The following DENND1A variants were observed in gnomAD, a reference collection of about 807,000 sequenced individuals.
DENND1A encodes DENN domain-containing protein 1A.
DENND1A carries 51 observed loss-of-function variants against 113.7 expected under a neutral mutation model. That is an observed-to-expected ratio of 0.45 (90% confidence interval 0.36 to 0.57). The LOEUF is 0.57. Ranked by LOEUF, DENND1A falls within the 20% of genes least tolerant of loss-of-function variation. The pLI, the probability that DENND1A is intolerant of heterozygous loss-of-function variation, is 0.00. For synonymous variants in DENND1A, 565 were observed against 570.8 expected (o/e 0.99, Z 0.14); for missense variants, 1,258 against 1,395.9 (o/e 0.90, Z 1.57).
rs147957932 is a variant in DENND1A at position 123,457,815 on chromosome 9, G to A, written c.1076C>T (p.Thr359Ile). 432 of 1,611,710 alleles carry A rather than the reference G, an allele frequency of 2.7e-4. No individual in the cohort carries two copies. Among genetic ancestry groups the A allele is most frequent in the Non-Finnish European group, 3.3e-4 (389 of 1,179,100 alleles). ...GAMRQFLQNA[T>I]QLQLFKQFID... ...CACCTGCTTGAAGAGCTGCAGCTGT[G>A]TGGCGTTCTGCAGGAACTGCCTCAT... The change falls in exon 14 of 24, where the codon ACA becomes ATA. Residue 359 changes from threonine (T) to isoleucine (I), a missense_variant. Thr to Ile is a moderately conservative substitution (Grantham distance 89, BLOSUM62 -1). Around this residue, in one of 2 missense-constraint regions of DENND1A, gnomAD observed 1,159 missense variants for 1,231.7 expected, o/e 0.94. Coordinates refer to ENST00000394215, the MANE Select transcript of DENND1A (RefSeq NM_001352964.2).
intron 11 of DENND1A, among the ~76,000 whole-genome samples, chr9:123,591,274 G>A (rs1365510736): frequency 3.3e-5 from 5 of 152,188 alleles, no homozygotes; most frequent in South Asian, 2.1e-4. Context: ...AGATTGGTGC[G>A]GGGGAGTGTC....
intron 5 of DENND1A, among the ~76,000 whole-genome samples, chr9:123,755,906 G>A (rs2070498818): frequency 6.6e-6 from 1 of 152,062 alleles, no homozygotes; most frequent in Admixed American, 6.6e-5. Flanking sequence ...AGTTTTTGTG[G>A]GTTTTGTGTT....
intron 11 of DENND1A, among the ~76,000 whole-genome samples, chr9:123,603,883 A>T (rs1467006835): frequency 6.6e-6 from 1 of 152,192 alleles, no homozygotes; most frequent in South Asian, 2.1e-4. Flanking sequence ...ACCCATCTGA[A>T]TTTTATGTAC....
intron 1 of DENND1A, among the ~76,000 whole-genome samples, chr9:123,911,091 A>G (rs780471764): frequency 1.3e-5 from 2 of 152,252 alleles, no homozygotes; most frequent in Non-Finnish European, 2.9e-5. Context: ...AACAGAGAAC[A>G]TAGTGAAAAA....
At chr9:123,389,661 C>G (rs1249125124) in intron 21 of DENND1A, among the ~76,000 whole-genome samples, 6 of 152,252 alleles carry the variant, frequency 3.9e-5, no homozygotes, top group Admixed American at 3.9e-4. Context: ...GAATTGTGAT[C>G]TTGCTGCAGT....
At chr9:123,777,058 T>C (rs931031053) in intron 3 of DENND1A, among the ~76,000 whole-genome samples, 1 of 152,226 alleles carries the variant, frequency 6.6e-6, no homozygotes, top group African/African-American at 2.4e-5. Flanking sequence ...CGCTTTTATA[T>C]TTTCTTTCAA....
intron 12 of DENND1A, among the ~76,000 whole-genome samples, chr9:123,561,738 G>A (rs948688631): frequency 2.6e-5 from 4 of 152,008 alleles, no homozygotes; most frequent in Admixed American, 2.6e-4. Context: ...AGGAAAGAGG[G>A]GGCAAAACTG....
chr9:123,882,667 T>C (rs903853746), intron 1 of DENND1A, among the ~76,000 whole-genome samples: 1 of 152,144 alleles, frequency 6.6e-6, no homozygotes, highest in Admixed American at 6.5e-5. Flanking sequence ...ATCACAACAT[T>C]AACAGACAGT....
chr9:123,730,812 T>C (rs966156149), intron 5 of DENND1A, among the ~76,000 whole-genome samples: 3 of 152,178 alleles, frequency 2.0e-5, no homozygotes, highest in Non-Finnish European at 4.4e-5. Flanking sequence ...CACACATATA[T>C]TTATTGCGGC....
intron 2 of DENND1A, among the ~76,000 whole-genome samples, chr9:123,819,661 G>A (rs550673093): frequency 3.3e-5 from 5 of 151,910 alleles, no homozygotes; most frequent in East Asian, 3.9e-4. Flanking sequence ...CCTCGGCCTC[G>A]CAAGTAGCTA....
At chr9:123,878,930 A>G in intron 2 of DENND1A, 21 bp downstream of exon 2, 1 of 1,612,882 alleles carries the variant, frequency 6.2e-7, no homozygotes, top group Non-Finnish European at 8.5e-7. Context: ...ACACCATATC[A>G]TAATCAAACA....
chr9:123,632,315 G>A (rs896797422), intron 9 of DENND1A, among the ~76,000 whole-genome samples: 7 of 152,074 alleles, frequency 4.6e-5, no homozygotes, highest in African/African-American at 1.7e-4. Flanking sequence ...AGGCTCGCAG[G>A]TTTAACCCAT....
intron 13 of DENND1A, among the ~76,000 whole-genome samples, chr9:123,538,829 T>TC: frequency 9.3e-6 from 1 of 107,164 alleles, no homozygotes; most frequent in Non-Finnish European, 1.9e-5. Context: ...TATATATATA[T>TC]ATATATATAT....
chr9:123,798,162 T>C (rs1834054945), intron 2 of DENND1A: 1 of 152,148 alleles, frequency 6.6e-6, no homozygotes, highest in South Asian at 2.1e-4. Flanking sequence ...CAAATGCAAT[T>C]TCACAGCAGC....
intron 12 of DENND1A, among the ~76,000 whole-genome samples, chr9:123,573,904 A>G (rs1280481409): frequency 6.6e-6 from 1 of 151,822 alleles, no homozygotes; most frequent in East Asian, 1.9e-4. Flanking sequence ...TCTTTTCTAG[A>G]TGCTCTCTAT....
chr9:123,468,624 G>T (rs1031669649), intron 13 of DENND1A, among the ~76,000 whole-genome samples: 1 of 152,190 alleles, frequency 6.6e-6, no homozygotes, highest in East Asian at 1.9e-4. Context: ...CTGGTCTGAC[G>T]GCTTCTTCTT....
intron 9 of DENND1A, 24 bp from the exon 10 acceptor site, chr9:123,630,500 C>A: frequency 1.3e-6 from 2 of 1,493,586 alleles, no homozygotes; most frequent in South Asian, 2.6e-5. Context: ...AAGCAGAGAT[C>A]AATGAACAAA....
intron 13 of DENND1A, among the ~76,000 whole-genome samples, chr9:123,467,718 A>C (rs2049073392): frequency 6.6e-6 from 1 of 152,196 alleles, no homozygotes; most frequent in South Asian, 2.1e-4. Flanking sequence ...GAATTTCAGG[A>C]CGGTGACAGC....
At chr9:123,684,179 A>C (rs2064656793) in intron 5 of DENND1A, among the ~76,000 whole-genome samples, 2 of 152,266 alleles carry the variant, frequency 1.3e-5, no homozygotes, top group South Asian at 2.1e-4. Flanking sequence ...GGCTGATGAC[A>C]ATCATCTGAA....
Sources: allele counts gnomAD v4.1 joint callset (sites outside exome capture counted in the v4.1 genomes callset), GRCh38; gene constraint gnomAD v4.1.1; regional missense constraint gnomAD v4.1.1; transcripts MANE v1.5; gene names NCBI Gene and HGNC (gene_info 2026-07-23, HGNC 2026-07-21).